UPF2: variants seen among roughly 807,000 people sequenced by gnomAD.
UPF2 encodes UPF2 regulator of nonsense mediated mRNA decay, also known as regulator of nonsense transcripts 2.
In UPF2, 17 loss-of-function variants were observed where a neutral mutation model predicts 141.4. The ratio of observed to expected loss-of-function variants is 0.12; its 90% CI spans 0.08 to 0.18. The LOEUF (loss-of-function observed/expected upper bound fraction) is 0.18. Among genes scored for constraint, UPF2 ranks in the 10% least tolerant of loss-of-function variants. The pLI is 1.00. For synonymous variants in UPF2, 540 were observed against 498.0 expected (o/e 1.08, Z -1.12); for missense variants, 1,152 against 1,515.9 (o/e 0.76, Z 3.99).
In UPF2 at chr10:11,920,835, C is replaced by A; in HGVS notation, c.*463G>T. 1 of 357,800 alleles carries A rather than the reference C, an allele frequency of 2.8e-6. No individual in the cohort carries two copies. The highest frequency in any genetic ancestry group is 2.1e-5 in the South Asian group (1 of 47,030). 22.2% of individuals were successfully genotyped at this position (357,800 alleles called of 1,614,324 possible). A position where few individuals can be genotyped will look rare whatever the true frequency, so the allele number is the denominator to read the frequency against. ...TTGCTCTATACTTTTCTACTGTAGT[C>A]CTGGAGCCCCCAAATGTATCTTCTT... On this transcript the variant is annotated 3_prime_UTR_variant, in exon 22 of 22. Transcript: ENST00000357604.
At chr10:12,003,303 A>G (rs748053465) in intron 5 of UPF2, among the ~76,000 whole-genome samples, 3 of 152,222 alleles carry the variant, frequency 2.0e-5, no homozygotes, top group Non-Finnish European at 2.9e-5. Context: ...AACATTCTGA[A>G]AAAAGCTTAA....
At chr10:11,929,780 A>G (rs1290283705) in intron 21 of UPF2, 85 bp downstream of exon 21, 4 of 1,514,488 alleles carry the variant, frequency 2.6e-6, no homozygotes, top group South Asian at 2.6e-5. Context: ...GGCCTTTGCC[A>G]AAAACTATAA....
intron 6 of UPF2, among the ~76,000 whole-genome samples, chr10:12,001,095 G>T (rs539575037): frequency 6.6e-6 from 1 of 152,254 alleles, no homozygotes; most frequent in African/African-American, 2.4e-5. Flanking sequence ...TTCTATCACA[G>T]AAGGGGTAGC....
intron 14 of UPF2, among the ~76,000 whole-genome samples, chr10:11,954,388 C>T (rs1012265702): frequency 3.3e-5 from 5 of 151,750 alleles, no homozygotes; most frequent in African/African-American, 1.2e-4. Flanking sequence ...AATCCCAGAA[C>T]GTTGGGAGGC....
intron 15 of UPF2, among the ~76,000 whole-genome samples, chr10:11,951,795 G>T (rs770571799): frequency 1.3e-5 from 2 of 152,120 alleles, no homozygotes; most frequent in Non-Finnish European, 2.9e-5. Flanking sequence ...AGTAAGAGAG[G>T]TAGACAGGAT....
intron 2 of UPF2, among the ~76,000 whole-genome samples, chr10:12,030,054 G>A (rs776289010): frequency 6.6e-6 from 1 of 151,810 alleles, no homozygotes; most frequent in Non-Finnish European, 1.5e-5. Flanking sequence ...ACTGGAGGTC[G>A]ATAACAAATG....
chr10:11,942,059 T>C (rs1325123029), intron 18 of UPF2, among the ~76,000 whole-genome samples: 1 of 152,124 alleles, frequency 6.6e-6, no homozygotes. Flanking sequence ...CCAAACAAAC[T>C]GCAAGAAAGA....
At position 12,019,705 on chromosome 10, in the gene UPF2, C is replaced by T. The variant is rs1834284527; in HGVS notation, c.1146-5521G>A. Among the ~76,000 whole-genome samples the T allele has an allele frequency of 6.6e-6, 1 of 152,012 alleles. No homozygotes were observed. The highest frequency in any genetic ancestry group is 1.5e-5 in the Non-Finnish European group (1 of 67,990). On this transcript the variant is annotated intron_variant, in intron 3 of 21. Coordinates refer to ENST00000357604, the MANE Select transcript of UPF2 (RefSeq NM_015542.4). The surrounding 1 kb of genome is among the most constrained non-coding windows in gnomAD (Gnocchi z 4.5). ...GAAGAATCTCTAAAGTACGTCAGTC[C>T]TTGATTTTATGGAGTGTTTTTTTTT...
intron 8 of UPF2, among the ~76,000 whole-genome samples, chr10:11,993,715 G>A (rs1339653952): frequency 6.6e-6 from 1 of 152,098 alleles, no homozygotes. Context: ...GCTCATGCCT[G>A]TAATCCCTGC....
In UPF2 at chr10:11,939,068, C is replaced by T. The variant is rs192567842; in HGVS notation, c.3379-2356G>A. Among the ~76,000 whole-genome samples, 4 of 151,894 alleles carry T rather than the reference C, an allele frequency of 2.6e-5. No individual in the cohort carries two copies. The East Asian group carries it at 5.8e-4, about 22-fold the overall frequency. ...TTTGTATTTACTGGAGACGGGGTTT[C>T]ACCGTGTTAGCTAGGAGGGTCTCGA... On this transcript the variant is annotated intron_variant, in intron 18 of 21. Coordinates refer to ENST00000357604, the MANE Select transcript of UPF2 (RefSeq NM_015542.4). This position sits in a 1 kb window ranked among gnomAD's most constrained non-coding sequence, Gnocchi z 4.8.
At chr10:12,040,053 C>T (rs1401197123) in intron 1 of UPF2, among the ~76,000 whole-genome samples, 2 of 152,192 alleles carry the variant, frequency 1.3e-5, no homozygotes, top group Non-Finnish European at 2.9e-5. Context: ...TTTCATGACT[C>T]TTTAATAAGA....
chr10:11,957,759 C>G (rs56043903), intron 12 of UPF2, among the ~76,000 whole-genome samples: 2,411 of 152,268 alleles, frequency 0.016, 91 homozygotes, highest in East Asian at 0.16. Flanking sequence ...CTCAAGTGAT[C>G]TGCCCACCTC....
intron 8 of UPF2, among the ~76,000 whole-genome samples, chr10:11,982,305 G>A (rs551899120): frequency 2.5e-4 from 38 of 152,244 alleles, no homozygotes; most frequent in Non-Finnish European, 5.0e-4. Context: ...TAACAAGATG[G>A]CAAAGCAACG....
intron 19 of UPF2, among the ~76,000 whole-genome samples, chr10:11,932,509 G>A (rs557357532): frequency 2.6e-5 from 4 of 152,150 alleles, no homozygotes; most frequent in African/African-American, 7.2e-5. Flanking sequence ...CACATTTTAT[G>A]AACTCTGAGA....
chr10:12,006,680 A>C (rs1245137877), intron 4 of UPF2, among the ~76,000 whole-genome samples: 2 of 152,232 alleles, frequency 1.3e-5, no homozygotes, highest in Non-Finnish European at 2.9e-5. Context: ...CAATATTGAC[A>C]ATATTTAAAG....
intron 18 of UPF2, among the ~76,000 whole-genome samples, chr10:11,941,701 C>T (rs996074693): frequency 5.3e-5 from 8 of 152,186 alleles, no homozygotes; most frequent in African/African-American, 1.9e-4. Flanking sequence ...CTCCACCAAA[C>T]CCACCCCAGT....
intron 1 of UPF2, among the ~76,000 whole-genome samples, chr10:12,039,622 CTT>C (rs747946922): frequency 8.5e-5 from 12 of 140,758 alleles, no homozygotes; most frequent in Admixed American, 2.8e-4. Flanking sequence ...CTCTCTCTCT[CTT>C]TTTTTTTTTT....
intron 2 of UPF2, among the ~76,000 whole-genome samples, chr10:12,031,247 C>A (rs1834520017): frequency 6.6e-6 from 1 of 150,458 alleles, no homozygotes; most frequent in South Asian, 2.1e-4. Flanking sequence ...ATTAGCCAAA[C>A]CTTTAACAAA....
At chr10:12,013,630 T>C (rs934977928) in intron 4 of UPF2, among the ~76,000 whole-genome samples, 5 of 152,158 alleles carry the variant, frequency 3.3e-5, no homozygotes, top group African/African-American at 1.2e-4. Context: ...ATCTATCTAT[T>C]ACACAAGAAC....
Sources: gnomAD v4.1 joint callset for allele counts (sites outside exome capture counted in the v4.1 genomes callset) on GRCh38, gnomAD v4.1.1 for gene constraint, Gnocchi (gnomAD v3.1) non-coding constraint, MANE v1.5 for transcripts, NCBI Gene and HGNC (gene_info 2026-07-23, HGNC 2026-07-21) for gene names.